The following TMEM132B variants were observed in gnomAD, a reference collection of about 807,000 sequenced individuals.
TMEM132B encodes the protein transmembrane protein 132B.
In TMEM132B, 18 loss-of-function variants were observed where a neutral mutation model predicts 90.8. The ratio of observed to expected loss-of-function variants is 0.20; its 90% CI spans 0.14 to 0.29. The LOEUF (loss-of-function observed/expected upper bound fraction) is 0.29. TMEM132B is among the 10% of genes least tolerant of loss of function. The pLI is 1.00. For missense variants in TMEM132B, 1,096 were observed against 1,326.8 expected (o/e 0.83, Z 2.70); for synonymous variants, 504 against 523.3 (o/e 0.96, Z 0.50).
At chr12:125,337,106 G>C (rs1876988656) in intron 1 of TMEM132B, among the ~76,000 whole-genome samples, 1 of 152,160 alleles carries the variant, frequency 6.6e-6, no homozygotes, top group Admixed American at 6.5e-5. Flanking sequence ...TGGCTGAACA[G>C]CTCTTCACTT....
At chr12:125,624,847 C>T (rs1886192340) in intron 5 of TMEM132B, among the ~76,000 whole-genome samples, 1 of 152,094 alleles carries the variant, frequency 6.6e-6, no homozygotes, top group African/African-American at 2.4e-5. Context: ...CTCCAAACAT[C>T]GTGGTCGATG....
At chr12:125,310,814 C>T (rs891850649) in intron 1 of TMEM132B, among the ~76,000 whole-genome samples, 1 of 152,202 alleles carries the variant, frequency 6.6e-6, no homozygotes, top group Middle Eastern at 3.2e-3. Context: ...AGGGCACCTC[C>T]CTTTCATCTG....
intron 5 of TMEM132B, among the ~76,000 whole-genome samples, chr12:125,594,671 T>C (rs1885396467): frequency 6.6e-6 from 1 of 152,248 alleles, no homozygotes; most frequent in Non-Finnish European, 1.5e-5. Context: ...TTTTGCCATC[T>C]ACTGATTTTG....
chr12:125,641,299 G>A (rs1313141682), intron 5 of TMEM132B, among the ~76,000 whole-genome samples: 2 of 152,194 alleles, frequency 1.3e-5, no homozygotes, highest in African/African-American at 2.4e-5. Flanking sequence ...TGACTTTGGG[G>A]TTACAAATAA....
intron 3 of TMEM132B, among the ~76,000 whole-genome samples, chr12:125,419,034 T>C (rs1391401350): frequency 6.6e-6 from 1 of 152,200 alleles, no homozygotes; most frequent in Non-Finnish European, 1.5e-5. Context: ...TGTCTGGCTG[T>C]TGGGACCCAA....
chr12:125,507,124 G>C (rs565185736), intron 3 of TMEM132B, among the ~76,000 whole-genome samples: 1 of 152,326 alleles, frequency 6.6e-6, no homozygotes, highest in South Asian at 2.1e-4. Context: ...GACCTAGGCA[G>C]GGTTGGACAC....
intron 3 of TMEM132B, among the ~76,000 whole-genome samples, chr12:125,431,834 G>GTGGGTGGACAGCCATTGGTCA (rs1366914966): frequency 4.6e-5 from 7 of 152,186 alleles, no homozygotes; most frequent in African/African-American, 1.4e-4. Flanking sequence ...AAGGCTCGTG[G>GTGGGTGGACAGCCATTGGTCA]TGGGTGGACA....
intron 3 of TMEM132B, among the ~76,000 whole-genome samples, chr12:125,424,800 G>T (rs1210221039): frequency 1.3e-5 from 2 of 152,166 alleles, no homozygotes; most frequent in Admixed American, 6.5e-5. Context: ...GGACTCAATT[G>T]TGAACACAGT....
chr12:125,286,308 A>G (rs1163659459), intron 1 of TMEM132B, among the ~76,000 whole-genome samples: 10 of 152,188 alleles, frequency 6.6e-5, no homozygotes, highest in Non-Finnish European at 1.5e-4. Context: ...TGTCAGGGAG[A>G]GCACTGGCAC....
intron 1 of TMEM132B, among the ~76,000 whole-genome samples, chr12:125,282,569 G>T (rs553608810): frequency 6.6e-6 from 1 of 152,332 alleles, no homozygotes; most frequent in East Asian, 1.9e-4. Context: ...CTTAGTGACT[G>T]TGAGGCCCAA....
chr12:125,224,946 G>T (rs1873644534), intron 1 of TMEM132B, among the ~76,000 whole-genome samples: 1 of 152,206 alleles, frequency 6.6e-6, no homozygotes, highest in African/African-American at 2.4e-5. Context: ...TCCTAACAGA[G>T]ATCTTCTAAA....
At chr12:125,316,174 A>G (rs567057431) in intron 1 of TMEM132B, among the ~76,000 whole-genome samples, 2 of 152,218 alleles carry the variant, frequency 1.3e-5, no homozygotes, top group Non-Finnish European at 2.9e-5. Flanking sequence ...ACAGATCCAT[A>G]TCTGCCTCCC....
At chr12:125,588,376 C>G (rs1566082253) in intron 5 of TMEM132B, 1 of 152,318 alleles carries the variant, frequency 6.6e-6, no homozygotes, top group Non-Finnish European at 1.5e-5. Flanking sequence ...GTCATCCAGG[C>G]TGGAGTGCAG....
intron 4 of TMEM132B, among the ~76,000 whole-genome samples, chr12:125,536,871 A>C (rs571032916): frequency 1.4e-4 from 21 of 151,892 alleles, no homozygotes; most frequent in South Asian, 4.2e-4. Context: ...CCTGAAAAAA[A>C]AATACCAGTA....
At chr12:125,339,760 G>C (rs971443134) in intron 1 of TMEM132B, among the ~76,000 whole-genome samples, 44 of 152,092 alleles carry the variant, frequency 2.9e-4, no homozygotes, top group African/African-American at 9.2e-4. Flanking sequence ...AGAAGACAGA[G>C]GAGCTAGCTA....
intron 3 of TMEM132B, among the ~76,000 whole-genome samples, chr12:125,510,484 G>C (rs1213928315): frequency 6.6e-6 from 1 of 152,002 alleles, no homozygotes; most frequent in Non-Finnish European, 1.5e-5. Flanking sequence ...TATTTACAAG[G>C]GAAAAATATA....
At chr12:125,499,642 A>G (rs1343538805) in intron 3 of TMEM132B, among the ~76,000 whole-genome samples, 1 of 152,106 alleles carries the variant, frequency 6.6e-6, no homozygotes, top group Non-Finnish European at 1.5e-5. Flanking sequence ...AGGGCTATAA[A>G]CGCCCTCATC....
chr12:125,318,736 T>C (rs1419877364), intron 1 of TMEM132B, among the ~76,000 whole-genome samples: 2 of 152,194 alleles, frequency 1.3e-5, no homozygotes, highest in Admixed American at 1.3e-4. Context: ...GGTGTGTATG[T>C]ACCACATTTT....
At chr12:125,226,574 C>T (rs139640809) in intron 1 of TMEM132B, among the ~76,000 whole-genome samples, 76 of 152,292 alleles carry the variant, frequency 5.0e-4, no homozygotes, top group African/African-American at 1.7e-3. Context: ...ACAGGGGAAT[C>T]GGGAGAGTCC....
Sources: allele counts gnomAD v4.1 joint callset (sites outside exome capture counted in the v4.1 genomes callset), GRCh38; gene constraint gnomAD v4.1.1; transcripts MANE v1.5; gene names NCBI Gene and HGNC (gene_info 2026-07-23, HGNC 2026-07-21).